The following KDM3B variants were observed in gnomAD, a reference collection of about 807,000 sequenced individuals.
KDM3B encodes the protein lysine-specific demethylase 3B.
In KDM3B, 10 loss-of-function variants were observed where a neutral mutation model predicts 170.0. The observed-to-expected ratio is 0.06, with a 90% CI of 0.04 to 0.10. The LOEUF (loss-of-function observed/expected upper bound fraction) is 0.10, where lower values mean the gene tolerates loss of function less well. Ranked by LOEUF, KDM3B falls within the 10% of genes least tolerant of loss-of-function variation. The pLI, the probability that KDM3B is intolerant of heterozygous loss-of-function variation, is 1.00. For synonymous variants in KDM3B, 831 were observed against 834.8 expected (o/e 1.00, Z 0.08); for missense variants, 1,394 against 2,195.2 (o/e 0.64, Z 7.29).
chr5:138,379,501 T>C, intron 4 of KDM3B, 83 bp from the exon 5 acceptor site: 2 of 1,363,066 alleles, frequency 1.5e-6, no homozygotes, highest in South Asian at 1.4e-5. Context: ...ATTTACATTA[T>C]CTAATTTTCC....
intron 20 of KDM3B, among the ~76,000 whole-genome samples, chr5:138,429,501 C>A (rs572689504): frequency 6.6e-6 from 1 of 152,162 alleles, no homozygotes; most frequent in African/African-American, 2.4e-5. Flanking sequence ...TTGAAGGGGT[C>A]TTGAGAAAAT....
chr5:138,378,864 G>T (rs1436958044), intron 4 of KDM3B, among the ~76,000 whole-genome samples: 1 of 150,912 alleles, frequency 6.6e-6, no homozygotes, highest in Non-Finnish European at 1.5e-5. Context: ...CTTAATTTTA[G>T]CTCTGATAGA....
intron 11 of KDM3B, among the ~76,000 whole-genome samples, chr5:138,401,959 C>T (rs1195373013): frequency 1.5e-4 from 22 of 151,272 alleles, no homozygotes; most frequent in Admixed American, 1.3e-3. Context: ...GAAAGGGTCT[C>T]GCTTTGTCAC....
rs1362911423 is a variant in KDM3B at position 138,424,211 on chromosome 5, T to C, written c.4109T>C (p.Val1370Ala). 1.2e-6 allele frequency: 2 copies of C among 1,614,006 alleles called. No homozygotes were observed. Among genetic ancestry groups the C allele is most frequent in the Non-Finnish European group, 1.7e-6 (2 of 1,180,016 alleles). ...ACCCAGAAGGAAGTGAAGGAGATGGTGATGGGGTTAAATGTGCTAGATCCC... is the reference window on the plus strand; with the variant it reads ...ACCCAGAAGGAAGTGAAGGAGATGGCGATGGGGTTAAATGTGCTAGATCCC... ...TDTQKEVKEM[V>A]MGLNVLDPHT... Residue 1370 changes from valine (V) to alanine (A), a missense_variant, in exon 16 of 24, where the codon GTG becomes GCG. By Grantham distance (64) the Val-to-Ala change is moderately conservative. This residue lies in a region of KDM3B where 137 missense variants were observed against 166.9 expected (regional missense o/e 0.82). Transcript: ENST00000314358.
intron 11 of KDM3B, among the ~76,000 whole-genome samples, chr5:138,400,994 C>G (rs1223559786): frequency 6.6e-6 from 1 of 151,968 alleles, no homozygotes; most frequent in East Asian, 1.9e-4. Flanking sequence ...TAGAATCAGC[C>G]AGGCGCCATG....
At chr5:138,392,723 C>A (rs1762464371) in intron 8 of KDM3B, among the ~76,000 whole-genome samples, 1 of 152,162 alleles carries the variant, frequency 6.6e-6, no homozygotes, top group South Asian at 2.1e-4. Context: ...TTTAACAGCT[C>A]TATCAAAATC....
Position 138,424,115 on chromosome 5 carries a change from A to G in KDM3B, c.4013A>G (p.His1338Arg), listed in dbSNP as rs757612535. The G allele has an allele frequency of 3.1e-6, 5 of 1,600,024 alleles. No individual in the cohort carries two copies. The highest frequency in any genetic ancestry group is 1.3e-5 in the African/African-American group (1 of 74,558). The change falls in exon 16 of 24, where the codon CAC becomes CGC. Residue 1338 changes from histidine to arginine, a missense_variant. Physicochemically the swap from His to Arg is conservative, Grantham distance 29. This residue lies in a region of KDM3B where 137 missense variants were observed against 166.9 expected (regional missense o/e 0.82). Transcript: ENST00000314358. ...GCCAGCCTACCCAACTTTCTTGACCACATCATTGCCTCAGTGGTAGAAAAT... is the reference window on the plus strand; with the variant it reads ...GCCAGCCTACCCAACTTTCTTGACCGCATCATTGCCTCAGTGGTAGAAAAT... Reference protein sequence around the residue: ...SKASLPNFLDHIIASVVENKK... With the variant: ...SKASLPNFLDRIIASVVENKK...
At chr5:138,395,828 G>T (rs1762532516) in intron 9 of KDM3B, among the ~76,000 whole-genome samples, 1 of 151,978 alleles carries the variant, frequency 6.6e-6, no homozygotes, top group Non-Finnish European at 1.5e-5. Flanking sequence ...ACATTGGCCA[G>T]GCTGGTCTTG....
rs1433637920 is a variant in KDM3B, at chr5:138,386,566, C to A, written c.1325C>A (p.Ala442Glu). The change falls in exon 7 of 24, where the codon GCA becomes GAA. Residue 442 changes from alanine to glutamate, a missense_variant. This residue lies in a region of KDM3B where 205 missense variants were observed against 227.6 expected (regional missense o/e 0.90). Transcript: ENST00000314358. ...GTGAGGATCTCAGACACTGGCCTTG[C>A]AGCAGGGACTGTGCCAGAAAAACAG... ...NTVRISDTGL[A>E]AGTVPEKQKG... 2 of 1,614,068 alleles carry A rather than the reference C, an allele frequency of 1.2e-6. No individual in the cohort carries two copies. Among genetic ancestry groups the A allele is most frequent in the African/African-American group, 2.7e-5 (2 of 74,936 alleles).
intron 16 of KDM3B, among the ~76,000 whole-genome samples, chr5:138,424,593 A>G (rs1043712795): frequency 3.9e-5 from 6 of 152,110 alleles, no homozygotes; most frequent in Non-Finnish European, 8.8e-5. Flanking sequence ...TTTGGCCAAC[A>G]TGGTGAAATC....
At chr5:138,426,283 A>T (rs1763389032) in intron 17 of KDM3B, among the ~76,000 whole-genome samples, 1 of 152,132 alleles carries the variant, frequency 6.6e-6, no homozygotes, top group Admixed American at 6.5e-5. Flanking sequence ...ATAAAAGGTT[A>T]ATCTCCCAGG....
chr5:138,424,068 C>G lies in KDM3B; in HGVS notation c.3973-7C>G. 1 of 1,530,912 alleles carries G rather than the reference C, an allele frequency of 6.5e-7. No homozygotes were observed. The highest frequency in any genetic ancestry group is 8.8e-7 in the Non-Finnish European group (1 of 1,137,232). 94.8% of individuals were successfully genotyped at this position (1,530,912 alleles called of 1,614,324 possible). Reference sequence around the variant, plus strand: ...TCAAGCTTACCTGGTGGATTTGTGTCTGGCAGGGAGTGAAGAGCAAGGCCA... The same window carrying G: ...TCAAGCTTACCTGGTGGATTTGTGTGTGGCAGGGAGTGAAGAGCAAGGCCA... On this transcript the variant is annotated splice_polypyrimidine_tract_variant and splice_region_variant and intron_variant, in intron 15 of 23. Coordinates refer to ENST00000314358, the MANE Select transcript of KDM3B (RefSeq NM_016604.4).
intron 11 of KDM3B, among the ~76,000 whole-genome samples, chr5:138,407,908 C>G (rs1184334400): frequency 6.6e-6 from 1 of 152,278 alleles, no homozygotes; most frequent in East Asian, 1.9e-4. Flanking sequence ...GAAGAAATTA[C>G]TTAGGTGGAT....
Position 138,424,141 on chromosome 5 carries a change from A to G in KDM3B, c.4039A>G (p.Lys1347Glu). ...CATCATTGCCTCAGTGGTAGAAAAT[A>G]AGAAAACCTCAGATGCTTCAAAGCG... The part of the protein sequence containing the change: ...DHIIASVVEN[K>E]KTSDASKRAC... Residue 1347 changes from lysine to glutamate, a missense_variant, in exon 16 of 24, where the codon AAG becomes GAG. This residue lies in a region of KDM3B where 137 missense variants were observed against 166.9 expected (regional missense o/e 0.82). Transcript: ENST00000314358. The G allele has an allele frequency of 8.7e-6, 14 of 1,612,210 alleles. No individual in the cohort carries two copies. The highest frequency in any genetic ancestry group is 1.2e-5 in the Non-Finnish European group (14 of 1,178,716).
At chr5:138,382,580 G>A (rs1762153446) in intron 6 of KDM3B, among the ~76,000 whole-genome samples, 1 of 152,038 alleles carries the variant, frequency 6.6e-6, no homozygotes, top group African/African-American at 2.4e-5. Flanking sequence ...TATTGCTGTC[G>A]TTGCCACTCC....
chr5:138,428,081 A>T lies in KDM3B; in HGVS notation c.4748A>T (p.Asp1583Val), dbSNP rs1334303629. ...VGIPIGEGAH[D>V]EEVLKTIDEG... ...ATTCCCATCGGGGAGGGTGCTCATG[A>T]TGAAGGTATGCTTTCTAGAATCCAC... The change falls in exon 20 of 24, where the codon GAT (aspartate) becomes GTT (valine). Residue 1583 changes from aspartate (D) to valine (V), a missense_variant. Transcript: ENST00000314358. 6.2e-7 allele frequency: 1 copy of T among 1,613,782 alleles called. No individual in the cohort carries two copies. The highest frequency in any genetic ancestry group is 1.7e-5 in the Admixed American group (1 of 59,978).
chr5:138,354,172 T>A (rs1263692199), intron 1 of KDM3B, among the ~76,000 whole-genome samples: 1 of 152,208 alleles, frequency 6.6e-6, no homozygotes, highest in Admixed American at 6.5e-5. Flanking sequence ...CTTTATGGAT[T>A]TTTTTTGTGG....
At chr5:138,361,264 A>G (rs1761602465) in intron 1 of KDM3B, among the ~76,000 whole-genome samples, 1 of 151,888 alleles carries the variant, frequency 6.6e-6, no homozygotes, top group South Asian at 2.1e-4. Context: ...CTTGATCTCT[A>G]GGTGGGTAAA....
intron 11 of KDM3B, among the ~76,000 whole-genome samples, chr5:138,410,737 T>C (rs983464356): frequency 2.0e-5 from 3 of 152,170 alleles, no homozygotes; most frequent in African/African-American, 7.2e-5. Context: ...TCTCCAATGA[T>C]AGGTAAGGTC....
Sources: allele counts gnomAD v4.1 joint callset (sites outside exome capture counted in the v4.1 genomes callset), GRCh38; gene constraint gnomAD v4.1.1; regional missense constraint gnomAD v4.1.1; transcripts MANE v1.5; gene names NCBI Gene and HGNC (gene_info 2026-07-23, HGNC 2026-07-21).